Variants in CAPZB observed in about 807,000 individuals in gnomAD.
CAPZB encodes F-actin-capping protein subunit beta.
CAPZB carries 2 observed loss-of-function variants against 38.1 expected under a neutral mutation model. The ratio of observed to expected loss-of-function variants is 0.05; its 90% CI spans 0.02 to 0.17. The LOEUF (loss-of-function observed/expected upper bound fraction) is 0.17, where lower values mean the gene tolerates loss of function less well. Ranked by LOEUF, CAPZB falls within the 10% of genes least tolerant of loss-of-function variation. The probability of loss-of-function intolerance (pLI) is 1.00; values close to 1 mark genes in which losing one functional copy is unlikely to be tolerated. For synonymous variants in CAPZB, 107 were observed against 127.4 expected (o/e 0.84, Z 1.08); for missense variants, 161 against 334.2 (o/e 0.48, Z 4.04).
chr1:19,377,260 G>T (rs953751974), intron 4 of CAPZB, among the ~76,000 whole-genome samples: 1 of 152,226 alleles, frequency 6.6e-6, no homozygotes, highest in Non-Finnish European at 1.5e-5. Context: ...AGTTCTAGAT[G>T]TAAGAACCTT....
Position 19,438,930 on chromosome 1 carries a change from C to T in CAPZB, c.4-19180G>A, listed in dbSNP as rs545478780. ...ATAGAGGAAAGTGGCTTAGATCATT[C>T]TCACAGGAAGATTAAATCCAGAGCA... On this transcript the variant is annotated intron_variant, in intron 1 of 8. Coordinates refer to ENST00000264202, the MANE Select transcript of CAPZB (RefSeq NM_004930.5). 1.3e-3 allele frequency among the ~76,000 whole-genome samples: 197 copies of T among 152,352 alleles called. 2 individuals are homozygous for T. The highest frequency in any genetic ancestry group is 2.2e-3 in the Non-Finnish European group (152 of 68,036).
rs1221186666 is a variant in CAPZB at position 19,356,391 on chromosome 1, AG to A, written c.588+243del. The stretch of plus-strand genomic sequence containing the variant: ...ATGTGCGGGGCCCTGAGGGGTAAGG[AG>A]GAGCCACAGCCAGCACCCGGCCTCC... On this transcript the variant is annotated intron_variant, in intron 6 of 8. Transcript: ENST00000264202. This position sits in a 1 kb window ranked among gnomAD's most constrained non-coding sequence, Gnocchi z 4.3. Among the ~76,000 whole-genome samples the A allele has an allele frequency of 6.6e-6, 1 of 152,178 alleles. No individual in the cohort carries two copies. Among genetic ancestry groups the A allele is most frequent in the Non-Finnish European group, 1.5e-5 (1 of 68,032 alleles).
At position 19,385,079 on chromosome 1, in the gene CAPZB, C is replaced by T. The variant is rs367647926; in HGVS notation, c.215+426G>A. ...GAGAGTTGTGTATCTGACAGAGCTG[C>T]GTTCGTAGATCCCTTACCACAGAGA... On this transcript the variant is annotated intron_variant, in intron 3 of 8. Coordinates refer to ENST00000264202, the MANE Select transcript of CAPZB (RefSeq NM_004930.5). 2.4e-3 allele frequency among the ~76,000 whole-genome samples: 364 copies of T among 152,258 alleles called. 1 individual carries two copies. The highest frequency in any genetic ancestry group is 7.2e-3 in the African/African-American group (299 of 41,530).
At chr1:19,416,847 C>CA (rs2094381509) in intron 2 of CAPZB, among the ~76,000 whole-genome samples, 1 of 102,548 alleles carries the variant, frequency 9.8e-6, no homozygotes, top group South Asian at 3.1e-4. Context: ...GGTGACAGAG[C>CA]AAGACCCTGT....
chr1:19,382,333 T>C (rs2094179977), intron 3 of CAPZB, among the ~76,000 whole-genome samples: 1 of 152,124 alleles, frequency 6.6e-6, no homozygotes, highest in African/African-American at 2.4e-5. Flanking sequence ...AGAGCTTAAA[T>C]GGAGGCCATT....
chr1:19,378,729 C>T (rs2094156513), intron 3 of CAPZB, 76 bp from the exon 4 acceptor site: 2 of 794,318 alleles, frequency 2.5e-6, no homozygotes, highest in African/African-American at 1.7e-5. Context: ...GAGCCTGAGC[C>T]CTGGCTATCT....
chr1:19,430,243 A>G (rs1241726212), intron 1 of CAPZB, among the ~76,000 whole-genome samples: 1 of 152,178 alleles, frequency 6.6e-6, no homozygotes, highest in African/African-American at 2.4e-5. Context: ...ATTCCAGAGG[A>G]AAACTTAGCA....
At chr1:19,484,595 C>A (rs1161208536) in intron 1 of CAPZB, 2 of 1,220,314 alleles carry the variant, frequency 1.6e-6, no homozygotes. Flanking sequence ...ACCGGGACCA[C>A]CCCATCCCTG....
intron 1 of CAPZB, among the ~76,000 whole-genome samples, chr1:19,469,741 T>TACACACATAC (rs2094580334): frequency 2.9e-5 from 4 of 136,620 alleles, no homozygotes; most frequent in African/African-American, 8.3e-5. Flanking sequence ...AGGAAAAGAA[T>TACACACATAC]ACACACACAC....
At chr1:19,371,587 C>T (rs985725023) in intron 4 of CAPZB, among the ~76,000 whole-genome samples, 4 of 152,168 alleles carry the variant, frequency 2.6e-5, no homozygotes, top group Admixed American at 6.5e-5. Flanking sequence ...CCAAGGTCCT[C>T]TCCATTCCGT....
intron 1 of CAPZB, among the ~76,000 whole-genome samples, chr1:19,422,551 G>A (rs1478023438): frequency 6.6e-6 from 1 of 151,986 alleles, no homozygotes; most frequent in African/African-American, 2.4e-5. Context: ...CCTGGCTAAC[G>A]TGGTGAATCC....
At chr1:19,364,828 T>A (rs1489024507) in intron 4 of CAPZB, among the ~76,000 whole-genome samples, 1 of 152,042 alleles carries the variant, frequency 6.6e-6, no homozygotes, top group Non-Finnish European at 1.5e-5. Flanking sequence ...TCATCTCAAA[T>A]GGAGTATTTT....
At chr1:19,369,072 T>A (rs780110057) in intron 4 of CAPZB, among the ~76,000 whole-genome samples, 8 of 152,228 alleles carry the variant, frequency 5.3e-5, no homozygotes, top group Non-Finnish European at 8.8e-5. Flanking sequence ...TCCCTGATGC[T>A]GACGTGGGGA....
chr1:19,406,342 G>A (rs2094332099), intron 2 of CAPZB, among the ~76,000 whole-genome samples: 1 of 152,160 alleles, frequency 6.6e-6, no homozygotes, highest in African/African-American at 2.4e-5. Context: ...CTGGGATGTT[G>A]GGGTCTTGTG....
rs76084892 is a variant in CAPZB, at chr1:19,440,186, T to C, written c.4-20436A>G. Among the ~76,000 whole-genome samples, 1,488 of 152,294 alleles carry C rather than the reference T, an allele frequency of 9.8e-3. 60 individuals are homozygous for C. The East Asian group carries it at 0.12, about 13-fold the overall frequency. ...TTTCTGAAGCAGGGTCTTGCTTGCA[T>C]ACCACCATGTCTGGTTAATTTTTGT... On this transcript the variant is annotated intron_variant, in intron 1 of 8. Coordinates refer to ENST00000264202, the MANE Select transcript of CAPZB (RefSeq NM_004930.5).
chr1:19,484,734 G>C, intron 1 of CAPZB: 1 of 1,045,694 alleles, frequency 9.6e-7, no homozygotes, highest in South Asian at 3.0e-5. Context: ...GGGACCGAGC[G>C]GGGCTGACGC....
At position 19,445,974 on chromosome 1, in the gene CAPZB, G is replaced by T. The variant is rs117228813; in HGVS notation, c.4-26224C>A. Among the ~76,000 whole-genome samples, 182 of 152,344 alleles carry T rather than the reference G, an allele frequency of 1.2e-3. 1 individual carries two copies. In the East Asian group the frequency reaches 0.02, roughly 17 times the overall value. The stretch of plus-strand genomic sequence containing the variant: ...TATGCTCTGCCCTCAAGAGCACATG[G>T]TAAGACCCTGTAGCAGGAACAGAGG... On this transcript the variant is annotated intron_variant, in intron 1 of 8. Coordinates refer to ENST00000264202, the MANE Select transcript of CAPZB (RefSeq NM_004930.5).
chr1:19,373,313 A>T (rs2094128444), intron 4 of CAPZB, among the ~76,000 whole-genome samples: 1 of 152,152 alleles, frequency 6.6e-6, no homozygotes, highest in African/African-American at 2.4e-5. Flanking sequence ...TCCACAGGGG[A>T]GAGGGGCTGC....
chr1:19,409,952 A>C (rs1393328881), intron 2 of CAPZB, among the ~76,000 whole-genome samples: 1 of 152,234 alleles, frequency 6.6e-6, no homozygotes, highest in Non-Finnish European at 1.5e-5. Flanking sequence ...AGAAATACGC[A>C]ATATGACTAC....
Sources: gnomAD v4.1 joint callset for allele counts (sites outside exome capture counted in the v4.1 genomes callset) on GRCh38, gnomAD v4.1.1 for gene constraint, Gnocchi (gnomAD v3.1) non-coding constraint, MANE v1.5 for transcripts, NCBI Gene and HGNC (gene_info 2026-07-23, HGNC 2026-07-21) for gene names.